Variants in TFCP2L1 observed in about 807,000 individuals in gnomAD.
TFCP2L1 encodes the protein transcription factor CP2 like 1, also known as transcription factor CP2-like protein 1.
In TFCP2L1, 12 loss-of-function variants were observed where a neutral mutation model predicts 72.2. The observed-to-expected ratio is 0.17, with a 90% CI of 0.11 to 0.27. The LOEUF (loss-of-function observed/expected upper bound fraction) is 0.27, where lower values mean the gene tolerates loss of function less well. Ranked by LOEUF, TFCP2L1 falls within the 10% of genes least tolerant of loss-of-function variation. The probability of loss-of-function intolerance (pLI) is 1.00; values close to 1 mark genes in which losing one functional copy is unlikely to be tolerated. For missense variants in TFCP2L1, 488 were observed against 624.6 expected (o/e 0.78, Z 2.33); for synonymous variants, 260 against 251.0 (o/e 1.04, Z -0.34).
intron 2 of TFCP2L1, among the ~76,000 whole-genome samples, chr2:121,250,363 TACAC>T (rs755492586): frequency 4.7e-5 from 7 of 148,166 alleles, no homozygotes; most frequent in Non-Finnish European, 8.9e-5. Context: ...TATATATATA[TACAC>T]ACACACACAT....
chr2:121,266,112 C>T (rs1430634904), intron 2 of TFCP2L1, among the ~76,000 whole-genome samples: 7 of 151,720 alleles, frequency 4.6e-5, no homozygotes, highest in Non-Finnish European at 2.9e-5. Context: ...GTGATCTGCC[C>T]ACCTTGGCCT....
intron 2 of TFCP2L1, among the ~76,000 whole-genome samples, chr2:121,270,434 C>T (rs993340222): frequency 1.3e-5 from 2 of 152,128 alleles, no homozygotes; most frequent in Non-Finnish European, 2.9e-5. Flanking sequence ...CAGTACCTAC[C>T]AAAATGTCAT....
intron 13 of TFCP2L1, 23 bp downstream of exon 13, chr2:121,231,803 G>A (rs1686148641): frequency 1.2e-6 from 2 of 1,610,276 alleles, no homozygotes; most frequent in Non-Finnish European, 1.7e-6. Flanking sequence ...CGTTGTCGGG[G>A]CAGGCCAGGC....
chr2:121,282,520 A>C (rs1687285646), intron 1 of TFCP2L1, among the ~76,000 whole-genome samples: 1 of 143,832 alleles, frequency 7.0e-6, no homozygotes, highest in Non-Finnish European at 1.5e-5. Flanking sequence ...ACCATCTCTA[A>C]AAAAAAAAAA....
chr2:121,226,445 T>C (rs4848148), intron 13 of TFCP2L1, among the ~76,000 whole-genome samples: 149,515 of 151,966 alleles, frequency 0.98, 73,587 homozygotes, highest in East Asian at 1. Context: ...CTATAACGGA[T>C]GCATTACAGG....
intron 1 of TFCP2L1, among the ~76,000 whole-genome samples, chr2:121,284,559 C>T (rs1193294266): frequency 6.6e-6 from 1 of 152,230 alleles, no homozygotes. Context: ...CCGAGCCCGC[C>T]GCCCGCCCCT....
In TFCP2L1 at chr2:121,269,852, T is replaced by A. The variant is rs552440091; in HGVS notation, c.214+11268A>T. Among the ~76,000 whole-genome samples the A allele has an allele frequency of 1.1e-3, 161 of 142,114 alleles. 1 individual carries two copies. Among genetic ancestry groups the A allele is most frequent in the African/African-American group, 4.1e-3 (150 of 36,870 alleles). The allele number at this position is 142,114 out of a possible 152,430, so 93.2% of individuals were successfully genotyped here. A position where few individuals can be genotyped will look rare whatever the true frequency, so the allele number is the denominator to read the frequency against. On this transcript the variant is annotated intron_variant, in intron 2 of 14. Coordinates refer to ENST00000263707, the MANE Select transcript of TFCP2L1 (RefSeq NM_014553.3). ...TGAACCTGGGAGACAGAGGTTGCAG[T>A]GAGCAGAGATTGCGCCACTGCACAC...
rs528882164 is a variant in TFCP2L1, at chr2:121,236,186, C to G, written c.1004-875G>C. ...GCGCTGGGGGGGCTTCAGGTCTGGG[C>G]TGTTATGAATAGGCTCTCTGAACGT... On this transcript the variant is annotated intron_variant, in intron 10 of 14. Coordinates refer to ENST00000263707, the MANE Select transcript of TFCP2L1 (RefSeq NM_014553.3). Among the ~76,000 whole-genome samples the G allele has an allele frequency of 1.3e-3, 200 of 152,304 alleles. 1 individual carries two copies. The highest frequency in any genetic ancestry group is 2.0e-3 in the Admixed American group (30 of 15,302).
intron 6 of TFCP2L1, among the ~76,000 whole-genome samples, chr2:121,242,806 T>C (rs1311702627): frequency 6.6e-6 from 1 of 152,198 alleles, no homozygotes; most frequent in Non-Finnish European, 1.5e-5. Context: ...TACAGGCTGC[T>C]GGTCTGGATT....
chr2:121,248,388 T>C, intron 4 of TFCP2L1, 118 bp from the exon 5 acceptor site: 2 of 782,312 alleles, frequency 2.6e-6, no homozygotes, highest in Non-Finnish European at 3.9e-6. Context: ...CCAAAAGCTC[T>C]GAAAAAGTTT....
At chr2:121,285,021 C>G (rs1687339331) in intron 1 of TFCP2L1, 27 bp downstream of exon 1, 5 of 1,468,578 alleles carry the variant, frequency 3.4e-6, no homozygotes, top group South Asian at 1.3e-5. Flanking sequence ...CGGCCCGAGA[C>G]CCGCGGGGAC....
At chr2:121,280,781 A>AAAG (rs1558748761) in intron 2 of TFCP2L1, among the ~76,000 whole-genome samples, 6 of 150,378 alleles carry the variant, frequency 4.0e-5, no homozygotes, top group African/African-American at 1.2e-4. Context: ...AAAAAAAAAA[A>AAAG]AAAGAAAGAA....
intron 1 of TFCP2L1, among the ~76,000 whole-genome samples, chr2:121,282,756 T>C (rs1687289822): frequency 6.6e-6 from 1 of 152,208 alleles, no homozygotes; most frequent in African/African-American, 2.4e-5. Context: ...CTGACCCCAC[T>C]TGTCTGTATA....
chr2:121,239,565 C>T lies in TFCP2L1; in HGVS notation c.853G>A (p.Gly285Ser), dbSNP rs768421762. The T allele has an allele frequency of 8.7e-6, 14 of 1,614,030 alleles. No individual in the cohort carries two copies. The highest frequency in any genetic ancestry group is 1.6e-4 in the Middle Eastern group (1 of 6,084). The change falls in exon 8 of 15, where the codon GGC (glycine) becomes AGC (serine). Residue 285 changes from glycine to serine, a missense_variant. Gly to Ser is a moderately conservative substitution (Grantham distance 56). This residue lies in a region of TFCP2L1 where 286 missense variants were observed against 329.0 expected (regional missense o/e 0.87). Coordinates refer to ENST00000263707, the MANE Select transcript of TFCP2L1 (RefSeq NM_014553.3). ...YNGSPNSFGLGEGNASPTHPV... is the reference protein window; with the variant it reads ...YNGSPNSFGLSEGNASPTHPV... ...AAGAGAGGTGGGACGTACCCTTCGC[C>T]GAGGCCAAAGCTGTTTGGAGAACCA...
chr2:121,237,404 C>CT (rs1272541765), intron 10 of TFCP2L1, among the ~76,000 whole-genome samples: 1 of 152,202 alleles, frequency 6.6e-6, no homozygotes, highest in African/African-American at 2.4e-5. Context: ...GATGGTCCCC[C>CT]TCAAGTCACA....
At chr2:121,244,837 CA>C (rs1370538066) in intron 6 of TFCP2L1, among the ~76,000 whole-genome samples, 2 of 152,100 alleles carry the variant, frequency 1.3e-5, no homozygotes, top group Non-Finnish European at 1.5e-5. Context: ...AGGTGGTGGC[CA>C]GAGCGACAGT....
chr2:121,236,669 T>C (rs538943532), intron 10 of TFCP2L1, among the ~76,000 whole-genome samples: 1 of 152,134 alleles, frequency 6.6e-6, no homozygotes, highest in Admixed American at 6.5e-5. Context: ...AGGGCCCCCA[T>C]CCTGTCCGTG....
In TFCP2L1 at chr2:121,224,025, A is replaced by C; in HGVS notation, c.*316T>G. ...TACCCAATCAGCTTCCAACTAAGGG[A>C]TGAGGGATTTCAGAGCAGACGTCTC... On this transcript the variant is annotated 3_prime_UTR_variant, in exon 15 of 15. Transcript: ENST00000263707. The C allele has an allele frequency of 2.6e-6, 1 of 390,518 alleles. No homozygotes were observed. Among genetic ancestry groups the C allele is most frequent in the Non-Finnish European group, 4.7e-6 (1 of 213,924 alleles). 24.2% of individuals were successfully genotyped at this position (390,518 alleles called of 1,614,324 possible). A position where few individuals can be genotyped will look rare whatever the true frequency, so the allele number is the denominator to read the frequency against.
intron 2 of TFCP2L1, among the ~76,000 whole-genome samples, chr2:121,258,918 G>A (rs1278220732): frequency 2.0e-5 from 3 of 152,174 alleles, no homozygotes; most frequent in East Asian, 3.9e-4. Context: ...GAATGTCCTT[G>A]TTCTTAGGAA....
Sources: gnomAD v4.1 joint callset for allele counts (sites outside exome capture counted in the v4.1 genomes callset) on GRCh38, gnomAD v4.1.1 for gene constraint, gnomAD v4.1.1 regional missense constraint, MANE v1.5 for transcripts, NCBI Gene and HGNC (gene_info 2026-07-23, HGNC 2026-07-21) for gene names.